Variants in ARRDC4 observed in about 807,000 individuals in gnomAD.
The protein encoded by ARRDC4 is arrestin domain containing 4.
In ARRDC4, 40 loss-of-function variants were observed where a neutral mutation model predicts 44.6. The observed-to-expected ratio is 0.90, with a 90% CI of 0.70 to 1.17. ARRDC4 has a LOEUF of 1.17. Among genes scored for constraint, ARRDC4 ranks in the 50% most tolerant of loss-of-function variants. The pLI is 0.00. For missense variants in ARRDC4, 550 were observed against 559.1 expected (o/e 0.98, Z 0.16); for synonymous variants, 211 against 221.2 (o/e 0.95, Z 0.41).
At position 97,968,107 on chromosome 15, in the gene ARRDC4, T is replaced by C. The variant is rs1899449578; in HGVS notation, c.616T>C (p.Tyr206His). 18 of 1,594,634 alleles carry C rather than the reference T, an allele frequency of 1.1e-5. 1 individual carries two copies. The highest frequency in any genetic ancestry group is 3.5e-5 in the Admixed American group (2 of 57,078). ...GAGTGCCAAAATTGAAAGAAAGGGATACTGTAATGGTAAGCAAAATGCTTG... is the reference window on the plus strand; with the variant it reads ...GAGTGCCAAAATTGAAAGAAAGGGACACTGTAATGGTAAGCAAAATGCTTG... ...SLSAKIERKG[Y>H]CNGEAIPIYA... Residue 206 changes from tyrosine (Y) to histidine (H), a missense_variant, in exon 4 of 8, where the codon TAC (tyrosine) becomes CAC (histidine). Physicochemically the swap from Tyr to His is moderately conservative, Grantham distance 83. Coordinates refer to ENST00000268042, the MANE Select transcript of ARRDC4 (RefSeq NM_183376.3). This position sits in a 1 kb window ranked among gnomAD's most constrained non-coding sequence, Gnocchi z 5.4.
intron 5 of ARRDC4, 118 bp downstream of exon 5, chr15:97,969,497 A>T (rs748864068): frequency 2.6e-6 from 3 of 1,135,744 alleles, no homozygotes; most frequent in Non-Finnish European, 3.7e-6. Flanking sequence ...ATTAACACCA[A>T]TTGGGGACTG....
At position 97,970,791 on chromosome 15, in the gene ARRDC4, T is replaced by G. The variant is rs1171245239; in HGVS notation, c.1200+48T>G. 2 of 1,570,356 alleles carry G rather than the reference T, an allele frequency of 1.3e-6. No individual in the cohort carries two copies. The highest frequency in any genetic ancestry group is 2.3e-5 in the East Asian group (1 of 44,410). On this transcript the variant is annotated intron_variant, in intron 7 of 7. Transcript: ENST00000268042. The surrounding 1 kb of genome is among the most constrained non-coding windows in gnomAD (Gnocchi z 4.2). Reference sequence around the variant, plus strand: ...AGACTTTTACTGTATTATTTTCAAATAATCATTTTTTGTCATCCGTTCATT... The same window carrying G: ...AGACTTTTACTGTATTATTTTCAAAGAATCATTTTTTGTCATCCGTTCATT...
chr15:97,966,481 A>G lies in ARRDC4; in HGVS notation c.522+439A>G, dbSNP rs2141534395. Among the ~76,000 whole-genome samples, 1 of 152,330 alleles carries G rather than the reference A, an allele frequency of 6.6e-6. No individual in the cohort carries two copies. Among genetic ancestry groups the G allele is most frequent in the East Asian group, 1.9e-4 (1 of 5,186 alleles). On this transcript the variant is annotated intron_variant, in intron 3 of 7. Coordinates refer to ENST00000268042, the MANE Select transcript of ARRDC4 (RefSeq NM_183376.3). This position sits in a 1 kb window ranked among gnomAD's most constrained non-coding sequence, Gnocchi z 4.7. ...CATGCTCAGCCTGTTATTGAAGCTC[A>G]GGCCATTATGCTATGTATCCTTCCA...
chr15:97,965,737 G>A lies in ARRDC4; in HGVS notation c.374+71G>A, dbSNP rs1899407720. On this transcript the variant is annotated intron_variant, in intron 2 of 7. Coordinates refer to ENST00000268042, the MANE Select transcript of ARRDC4 (RefSeq NM_183376.3). This position sits in a 1 kb window ranked among gnomAD's most constrained non-coding sequence, Gnocchi z 5.1. ...GTCCATTCAAGTTTATCACTGCTAG[G>A]TCTCTTCTGATTCTCAAGTATGCAT... 6.6e-7 allele frequency: 1 copy of A among 1,506,482 alleles called. No individual in the cohort carries two copies. Among genetic ancestry groups the A allele is most frequent in the Non-Finnish European group, 9.2e-7 (1 of 1,082,814 alleles). 93.3% of individuals were successfully genotyped at this position (1,506,482 alleles called of 1,614,324 possible).
At position 97,968,067 on chromosome 15, in the gene ARRDC4, T is replaced by C; in HGVS notation, c.576T>C (p.Ser192=). 1.2e-6 allele frequency: 2 copies of C among 1,601,424 alleles called. No homozygotes were observed. The highest frequency in any genetic ancestry group is 1.7e-6 in the Non-Finnish European group (2 of 1,173,698). The change falls in exon 4 of 8, where the codon TCT becomes TCC. Residue 192 remains serine, a synonymous_variant. Coordinates refer to ENST00000268042, the MANE Select transcript of ARRDC4 (RefSeq NM_183376.3). This position sits in a 1 kb window ranked among gnomAD's most constrained non-coding sequence, Gnocchi z 5.4. ...EKMVGCWFFT[S]GPVSLSAKIE... ...TGGTTGGCTGTTGGTTTTTCACTTC[T>C]GGTCCAGTCTCGCTGAGTGCCAAAA...
rs916503475 is a variant in ARRDC4, at chr15:97,966,346, A to C, written c.522+304A>C. Among the ~76,000 whole-genome samples, 1 of 152,242 alleles carries C rather than the reference A, an allele frequency of 6.6e-6. No individual in the cohort carries two copies. The highest frequency in any genetic ancestry group is 2.4e-5 in the African/African-American group (1 of 41,466). On this transcript the variant is annotated intron_variant, in intron 3 of 7. Coordinates refer to ENST00000268042, the MANE Select transcript of ARRDC4 (RefSeq NM_183376.3). The surrounding 1 kb of genome is among the most constrained non-coding windows in gnomAD (Gnocchi z 4.7). ...ATAAGGCTTAATAACAATAATGCAC[A>C]CACAGAGAGTAGTTACTTTTACCAG...
At position 97,970,476 on chromosome 15, in the gene ARRDC4, A is replaced by G. The variant is rs1431358951; in HGVS notation, c.1046-113A>G. The G allele has an allele frequency of 2.6e-6, 3 of 1,135,176 alleles. No individual in the cohort carries two copies. Among genetic ancestry groups the G allele is most frequent in the Admixed American group, 5.1e-5 (2 of 39,306 alleles). 70.3% of individuals were successfully genotyped at this position (1,135,176 alleles called of 1,614,324 possible). A position where few individuals can be genotyped will look rare whatever the true frequency, so the allele number is the denominator to read the frequency against. ...ATAAAACCTTGCTGATTAGAGGGAA[A>G]GAATGCCATATTTTTTATCTTCAAG... On this transcript the variant is annotated intron_variant, in intron 6 of 7. Coordinates refer to ENST00000268042, the MANE Select transcript of ARRDC4 (RefSeq NM_183376.3). The surrounding 1 kb of genome is among the most constrained non-coding windows in gnomAD (Gnocchi z 4.2).
In ARRDC4 at chr15:97,960,999, G is replaced by T. The variant is rs200108685; in HGVS notation, c.138G>T (p.Ala46=). The change falls in exon 1 of 8, where the codon GCG becomes GCT. Residue 46 remains alanine (A), a synonymous_variant. Coordinates refer to ENST00000268042, the MANE Select transcript of ARRDC4 (RefSeq NM_183376.3). ...ETVAGHVLLE[A]SEPVALRALR... ...TGGCCGGGCACGTGCTGCTGGAGGC[G>T]TCCGAGCCGGTGGCCCTGCGCGCGC... The T allele has an allele frequency of 1.4e-6, 2 of 1,449,336 alleles. No homozygotes were observed. The highest frequency in any genetic ancestry group is 4.9e-5 in the Admixed American group (2 of 40,530). 89.8% of individuals were successfully genotyped at this position (1,449,336 alleles called of 1,614,324 possible).
Position 97,965,828 on chromosome 15 carries a change from C to G in ARRDC4, c.375-67C>G. The G allele has an allele frequency of 6.4e-7, 1 of 1,567,236 alleles. No homozygotes were observed. Among genetic ancestry groups the G allele is most frequent in the South Asian group, 1.1e-5 (1 of 87,568 alleles). ...TATTTCCAACCTAAAACATTTTAAA[C>G]CATGCTTTTTTTGGCTTTGTTTAAC... On this transcript the variant is annotated intron_variant, in intron 2 of 7. Transcript: ENST00000268042. The surrounding 1 kb of genome is among the most constrained non-coding windows in gnomAD (Gnocchi z 5.1).
chr15:97,972,384 A>G lies in ARRDC4; in HGVS notation c.*1197A>G, dbSNP rs887220829. 2.6e-5 allele frequency: 4 copies of G among 152,570 alleles called. No individual in the cohort carries two copies. Among genetic ancestry groups the G allele is most frequent in the Admixed American group, 1.3e-4 (2 of 15,262 alleles). 9.5% of individuals were successfully genotyped at this position (152,570 alleles called of 1,614,324 possible). Reference sequence around the variant, plus strand: ...TGTACATTATTCCAGTTCTTCAGTAATTCTGTTTAAACTGTGATTTTCTTT... The same window carrying G: ...TGTACATTATTCCAGTTCTTCAGTAGTTCTGTTTAAACTGTGATTTTCTTT... On this transcript the variant is annotated 3_prime_UTR_variant, in exon 8 of 8. Transcript: ENST00000268042. This position sits in a 1 kb window ranked among gnomAD's most constrained non-coding sequence, Gnocchi z 5.3.
rs1899497346 is a variant in ARRDC4, at chr15:97,970,753, G to C, written c.1200+10G>C. 1 of 1,601,466 alleles carries C rather than the reference G, an allele frequency of 6.2e-7. No individual in the cohort carries two copies. The highest frequency in any genetic ancestry group is 1.3e-5 in the African/African-American group (1 of 74,308). On this transcript the variant is annotated intron_variant, in intron 7 of 7. Coordinates refer to ENST00000268042, the MANE Select transcript of ARRDC4 (RefSeq NM_183376.3). This position sits in a 1 kb window ranked among gnomAD's most constrained non-coding sequence, Gnocchi z 4.2. ...ACCTCTTTATTCAGAGGTAAGCAAA[G>C]CAAAAGAAAATTAGACTTTTACTGT...
At chr15:97,969,822 C>G in intron 5 of ARRDC4, 61 bp from the exon 6 acceptor site, 5 of 1,428,964 alleles carry the variant, frequency 3.5e-6, no homozygotes, top group Non-Finnish European at 4.7e-6. Context: ...ATTGGGCTAC[C>G]TACTGGAGGT....
Position 97,965,771 on chromosome 15 carries a change from T to A in ARRDC4, c.374+105T>A. 1 of 1,484,296 alleles carries A rather than the reference T, an allele frequency of 6.7e-7. No homozygotes were observed. The allele number at this position is 1,484,296 out of a possible 1,614,324, so 91.9% of individuals were successfully genotyped here. ...GATTCTCAAGTATGCATGTTTACAC[T>A]GAATAGTCCCTAAATAGACTTACTC... On this transcript the variant is annotated intron_variant, in intron 2 of 7. Coordinates refer to ENST00000268042, the MANE Select transcript of ARRDC4 (RefSeq NM_183376.3). The surrounding 1 kb of genome is among the most constrained non-coding windows in gnomAD (Gnocchi z 5.1).
Position 97,969,983 on chromosome 15 carries a change from T to C in ARRDC4, c.983T>C (p.Ile328Thr). The C allele has an allele frequency of 1.2e-6, 2 of 1,613,288 alleles. No individual in the cohort carries two copies. Among genetic ancestry groups the C allele is most frequent in the Non-Finnish European group, 8.5e-7 (1 of 1,179,536 alleles). Residue 328 changes from isoleucine (I) to threonine (T), a missense_variant, in exon 6 of 8, where the codon ATT (isoleucine) becomes ACT (threonine). Ile to Thr is a moderately conservative substitution (Grantham distance 89, BLOSUM62 -1). Transcript: ENST00000268042. ...YNGFGSRNSSIASQFSMDMSW... is the reference protein window; with the variant it reads ...YNGFGSRNSSTASQFSMDMSW... ...GGTTTTGGCAGCAGAAACTCCAGCA[T>C]TGCCAGCCAGTTCAGTATGGATATG...
intron 1 of ARRDC4, among the ~76,000 whole-genome samples, chr15:97,963,946 A>G (rs1596304712): frequency 6.6e-6 from 1 of 152,052 alleles, no homozygotes; most frequent in African/African-American, 2.4e-5. Context: ...CTCTGCTGCT[A>G]CCTTCCTGAG....
In ARRDC4 at chr15:97,960,753, C is replaced by T. The variant is rs1899291991; in HGVS notation, c.-109C>T. On this transcript the variant is annotated 5_prime_UTR_variant, in exon 1 of 8. Transcript: ENST00000268042. ...CCCATCGGGTACCGCACGGCTGCCG[C>T]GGCGGCCTTACCCTGCCGCGAGCGC... 3 of 1,011,700 alleles carry T rather than the reference C, an allele frequency of 3.0e-6. No homozygotes were observed. The African/African-American group carries it at 5.0e-5, about 17-fold the overall frequency. The allele number at this position is 1,011,700 out of a possible 1,614,324, so 62.7% of individuals were successfully genotyped here.
rs1256861468 is a variant in ARRDC4, at chr15:97,969,872, T to G, written c.883-11T>G. ...TTCCTTTCTCTTTTTTTTTTTTTTT[T>G]GGCTTATTAGGTATACATTCACATT... On this transcript the variant is annotated splice_polypyrimidine_tract_variant and intron_variant, in intron 5 of 7. Coordinates refer to ENST00000268042, the MANE Select transcript of ARRDC4 (RefSeq NM_183376.3). The G allele has an allele frequency of 6.7e-7, 1 of 1,497,338 alleles. No homozygotes were observed. The highest frequency in any genetic ancestry group is 2.4e-4 in the Middle Eastern group (1 of 4,214). 92.8% of individuals were successfully genotyped at this position (1,497,338 alleles called of 1,614,324 possible).
At position 97,965,647 on chromosome 15, in the gene ARRDC4, C is replaced by G. The variant is rs759457620; in HGVS notation, c.355C>G (p.Arg119Gly). The G allele has an allele frequency of 1.1e-5, 17 of 1,613,470 alleles. No individual in the cohort carries two copies. The highest frequency in any genetic ancestry group is 1.7e-5 in the Admixed American group (1 of 60,016). The change falls in exon 2 of 8, where the codon CGC becomes GGC. Residue 119 changes from arginine to glycine, a missense_variant. Physicochemically the swap from Arg to Gly is moderately radical, Grantham distance 125 (BLOSUM62 -2). Transcript: ENST00000268042. This position sits in a 1 kb window ranked among gnomAD's most constrained non-coding sequence, Gnocchi z 5.1. Reference sequence around the variant, plus strand: ...GCCTGGAAAACATGAATTTCCATTTCGCTTTCAACTTCCATCTGAGTAAGT... The same window carrying G: ...GCCTGGAAAACATGAATTTCCATTTGGCTTTCAACTTCCATCTGAGTAAGT... ...LQPGKHEFPF[R>G]FQLPSEPLVT... is the part of the protein sequence containing the mutation.
At chr15:97,969,447 G>A (rs925651062) in intron 5 of ARRDC4, 68 bp downstream of exon 5, 3 of 1,540,506 alleles carry the variant, frequency 1.9e-6, no homozygotes, top group Admixed American at 3.5e-5. Flanking sequence ...GTTACTGTGG[G>A]TATGTAGAGT....
Sources: allele counts gnomAD v4.1 joint callset (sites outside exome capture counted in the v4.1 genomes callset), GRCh38; gene constraint gnomAD v4.1.1; non-coding constraint Gnocchi (gnomAD v3.1); transcripts MANE v1.5; gene names NCBI Gene and HGNC (gene_info 2026-07-23, HGNC 2026-07-21).